Variants in EXOC2 observed in about 807,000 individuals in gnomAD.
EXOC2 encodes exocyst complex component 2.
A neutral mutation model predicts 131.8 loss-of-function variants in EXOC2; 70 were observed. That is an observed-to-expected ratio of 0.53 (90% CI 0.44 to 0.65). The LOEUF (loss-of-function observed/expected upper bound fraction) is 0.65, where lower values mean the gene tolerates loss of function less well. Among genes scored for constraint, EXOC2 ranks in the 30% least tolerant of loss-of-function variants. EXOC2 has a pLI of 0.00. For synonymous variants in EXOC2, 411 were observed against 398.4 expected, an observed-to-expected ratio of 1.03 and a Z score of -0.38; for missense variants, 923 against 1,108.6, an observed-to-expected ratio of 0.83 and a Z score of 2.38.
chr6:677,627 CCTGA>C (rs1230521937), intron 1 of EXOC2, among the ~76,000 whole-genome samples: 1 of 152,048 alleles, frequency 6.6e-6, no homozygotes, highest in Non-Finnish European at 1.5e-5. Flanking sequence ...CACCACCATG[CCTGA>C]CTAATTTTTG....
chr6:664,802 G>C (rs913260975), intron 1 of EXOC2, among the ~76,000 whole-genome samples: 1 of 152,130 alleles, frequency 6.6e-6, no homozygotes, highest in Non-Finnish European at 1.5e-5. Flanking sequence ...GGTGGATTAA[G>C]GACTTAAACC....
chr6:592,262 A>G (rs1162937793), intron 11 of EXOC2, among the ~76,000 whole-genome samples: 1 of 152,046 alleles, frequency 6.6e-6, no homozygotes, highest in African/African-American at 2.4e-5. Context: ...CTGTCCACCA[A>G]TCGCAAAAAC....
chr6:531,810 C>G (rs1274703481), intron 23 of EXOC2, among the ~76,000 whole-genome samples: 1 of 152,254 alleles, frequency 6.6e-6, no homozygotes, highest in African/African-American at 2.4e-5. Context: ...TGCCAACAGG[C>G]AGCTTGGTTT....
In EXOC2 at chr6:532,517, C is replaced by T. The variant is rs769613278; in HGVS notation, c.2332G>A (p.Gly778Arg). The T allele has an allele frequency of 6.2e-7, 1 of 1,606,904 alleles. No individual in the cohort carries two copies. The highest frequency in any genetic ancestry group is 2.2e-5 in the East Asian group (1 of 44,522). The change falls in exon 23 of 28, where the codon GGA becomes AGA. Residue 778 changes from glycine (G) to arginine (R), a missense_variant. Coordinates refer to ENST00000230449, the MANE Select transcript of EXOC2 (RefSeq NM_018303.6). ...CAATCAAAATATCCTGCATAAATTC[C>T]AGGTTCTAAGGAGCCAACGATGGGA... ...ADPIVGSLEP[G>R]IYAGYFDWKD...
chr6:682,962 A>G (rs1338119344), intron 1 of EXOC2, among the ~76,000 whole-genome samples: 4 of 152,210 alleles, frequency 2.6e-5, no homozygotes, highest in Non-Finnish European at 4.4e-5. Flanking sequence ...ACATGACTAA[A>G]TTCCTGAAGT....
intron 13 of EXOC2, among the ~76,000 whole-genome samples, chr6:567,664 ATGTGT>A (rs962483960): frequency 2.7e-5 from 4 of 148,252 alleles, no homozygotes; most frequent in South Asian, 4.2e-4. Context: ...CGTGTACATG[ATGTGT>A]TGTGTGTCTG....
intron 4 of EXOC2, among the ~76,000 whole-genome samples, chr6:627,605 G>T: frequency 6.6e-6 from 1 of 152,110 alleles, no homozygotes; most frequent in East Asian, 1.9e-4. Flanking sequence ...CATCAGGTGA[G>T]GATACCACTG....
intron 27 of EXOC2, among the ~76,000 whole-genome samples, chr6:487,771 G>C (rs1481112597): frequency 6.6e-6 from 1 of 152,196 alleles, no homozygotes; most frequent in Non-Finnish European, 1.5e-5. Flanking sequence ...CAGCAACCAA[G>C]AACTGGGTTT....
intron 25 of EXOC2, among the ~76,000 whole-genome samples, chr6:494,578 G>A (rs955960883): frequency 6.6e-6 from 1 of 152,044 alleles, no homozygotes; most frequent in African/African-American, 2.4e-5. Flanking sequence ...ACCCTGTGAC[G>A]ATCCCTAAGG....
chr6:553,776 G>A (rs969313167), intron 21 of EXOC2, 78 bp downstream of exon 21: 7 of 1,179,104 alleles, frequency 5.9e-6, no homozygotes, highest in African/African-American at 4.5e-5. Context: ...AAGGATGCAG[G>A]AACACAGTCA....
chr6:600,790 TTA>T (rs1760089520), intron 7 of EXOC2, among the ~76,000 whole-genome samples: 1 of 152,146 alleles, frequency 6.6e-6, no homozygotes, highest in Non-Finnish European at 1.5e-5. Context: ...AACTATAAAA[TTA>T]TGTTTATTTA....
chr6:561,785 C>G (rs1769872569), intron 17 of EXOC2, among the ~76,000 whole-genome samples: 1 of 152,166 alleles, frequency 6.6e-6, no homozygotes, highest in Non-Finnish European at 1.5e-5. Context: ...GGGGTTTCAG[C>G]ATGTTGGCCA....
At chr6:541,826 G>A (rs939305884) in intron 22 of EXOC2, among the ~76,000 whole-genome samples, 3 of 152,164 alleles carry the variant, frequency 2.0e-5, no homozygotes, top group East Asian at 3.9e-4. Flanking sequence ...CTGGGCATAC[G>A]GAAAATACCA....
rs1405296297 is a variant in EXOC2 at position 564,047 on chromosome 6, T to C, written c.1775A>G (p.Gln592Arg). ...TCAAAACACACCTTCCGCCGTGTGC[T>C]GCAACGTGGCCATTACGCAACGTAC... ...LRVRCVMATL[Q>R]HTAEEIKRLA... Residue 592 changes from glutamine (Q) to arginine (R), a missense_variant, in exon 16 of 28, where the codon CAG becomes CGG. Coordinates refer to ENST00000230449, the MANE Select transcript of EXOC2 (RefSeq NM_018303.6). The C allele has an allele frequency of 6.2e-7, 1 of 1,614,092 alleles. No homozygotes were observed.
intron 1 of EXOC2, among the ~76,000 whole-genome samples, chr6:661,393 T>C (rs879722459): frequency 4.6e-5 from 7 of 152,198 alleles, no homozygotes; most frequent in East Asian, 1.9e-4. Context: ...AGCTGTGAGA[T>C]AGAAGCACCA....
rs144095365 is a variant in EXOC2, at chr6:533,319, C to T, written c.2239-709G>A. ...CAGTAAACTACAATTAAAAAGGAAC[C>T]ATTTAAAATCATGTTCTGTTTCTTC... On this transcript the variant is annotated intron_variant, in intron 22 of 27. Coordinates refer to ENST00000230449, the MANE Select transcript of EXOC2 (RefSeq NM_018303.6). Among the ~76,000 whole-genome samples, 468 of 152,210 alleles carry T rather than the reference C, an allele frequency of 3.1e-3. 2 individuals are homozygous for T. The highest frequency in any genetic ancestry group is 5.5e-3 in the Non-Finnish European group (372 of 67,982).
chr6:581,391 AG>A (rs1210862128), intron 11 of EXOC2, among the ~76,000 whole-genome samples: 3 of 152,236 alleles, frequency 2.0e-5, no homozygotes, highest in Non-Finnish European at 4.4e-5. Context: ...TAGTAAGCAC[AG>A]TAATAAACAT....
At chr6:620,972 T>C (rs78580519) in intron 4 of EXOC2, among the ~76,000 whole-genome samples, 15 of 152,240 alleles carry the variant, frequency 9.9e-5, no homozygotes, top group African/African-American at 3.6e-4. Flanking sequence ...TAAAGGGCTC[T>C]GGAGGACTCC....
chr6:572,200 T>A (rs1396670396), intron 13 of EXOC2, among the ~76,000 whole-genome samples: 1 of 152,244 alleles, frequency 6.6e-6, no homozygotes, highest in Non-Finnish European at 1.5e-5. Context: ...TTGGCCTGAC[T>A]GGCAATATCT....
Sources: gnomAD v4.1 joint callset for allele counts (sites outside exome capture counted in the v4.1 genomes callset) on GRCh38, gnomAD v4.1.1 for gene constraint, MANE v1.5 for transcripts, NCBI Gene and HGNC (gene_info 2026-07-23, HGNC 2026-07-21) for gene names.